Variants in SULF1 observed in about 807,000 individuals in gnomAD.
SULF1 encodes sulfatase 1.
SULF1 carries 46 observed loss-of-function variants against 110.5 expected under a neutral mutation model. That is an observed-to-expected ratio of 0.42 (90% CI 0.33 to 0.53). The LOEUF (loss-of-function observed/expected upper bound fraction) is 0.53, where lower values mean the gene tolerates loss of function less well. Among genes scored for constraint, SULF1 ranks in the 20% least tolerant of loss-of-function variants. The probability of loss-of-function intolerance (pLI) is 0.12; values close to 1 mark genes in which losing one functional copy is unlikely to be tolerated. For missense variants in SULF1, 941 were observed against 1,094.2 expected, an observed-to-expected ratio of 0.86 and a Z score of 1.98; for synonymous variants, 371 against 387.1, an observed-to-expected ratio of 0.96 and a Z score of 0.49.
At chr8:69,543,417 C>G (rs948796070) in intron 3 of SULF1, among the ~76,000 whole-genome samples, 1 of 152,016 alleles carries the variant, frequency 6.6e-6, no homozygotes, top group African/African-American at 2.4e-5. Flanking sequence ...TGTTTCCCTC[C>G]CTGTATCCAT....
At chr8:69,625,067 C>T (rs1338369935) in intron 15 of SULF1, among the ~76,000 whole-genome samples, 1 of 152,160 alleles carries the variant, frequency 6.6e-6, no homozygotes, top group Non-Finnish European at 1.5e-5. Context: ...CCCCACATCC[C>T]ACCTACTGTC....
At chr8:69,470,826 C>A (rs530697216) in intron 1 of SULF1, among the ~76,000 whole-genome samples, 191 of 152,270 alleles carry the variant, frequency 1.3e-3, no homozygotes, top group Non-Finnish European at 2.1e-3. Context: ...CCGCCAAATC[C>A]CCACAACCTC....
At chr8:69,467,948 T>C (rs962312424) in intron 1 of SULF1, among the ~76,000 whole-genome samples, 5 of 152,066 alleles carry the variant, frequency 3.3e-5, no homozygotes, top group African/African-American at 1.2e-4. Flanking sequence ...TATTTATAAA[T>C]ATAAGAAGGG....
intron 3 of SULF1, among the ~76,000 whole-genome samples, chr8:69,556,052 A>C (rs962577741): frequency 1.3e-5 from 2 of 152,176 alleles, no homozygotes. Context: ...TACTGTGAGA[A>C]AGATTATGTT....
chr8:69,525,836 C>G (rs147031358), intron 3 of SULF1, among the ~76,000 whole-genome samples: 1 of 152,058 alleles, frequency 6.6e-6, no homozygotes, highest in African/African-American at 2.4e-5. Flanking sequence ...CCGTGTGAGC[C>G]GAAGTTGTGA....
At chr8:69,633,415 G>A (rs902902358) in intron 19 of SULF1, among the ~76,000 whole-genome samples, 73 of 148,926 alleles carry the variant, frequency 4.9e-4, no homozygotes, top group African/African-American at 1.3e-3. Flanking sequence ...TGCAACCTCC[G>A]CCTCTTGGGT....
intron 3 of SULF1, among the ~76,000 whole-genome samples, chr8:69,515,461 C>T (rs1258317184): frequency 6.6e-6 from 1 of 152,172 alleles, no homozygotes; most frequent in African/African-American, 2.4e-5. Context: ...CCCATGAAAC[C>T]ATTTTTTCCT....
chr8:69,527,424 G>A (rs1812776419), intron 3 of SULF1, among the ~76,000 whole-genome samples: 1 of 152,064 alleles, frequency 6.6e-6, no homozygotes, highest in African/African-American at 2.4e-5. Context: ...GACCAGTAGA[G>A]CCAGAGGAAA....
chr8:69,491,703 T>C (rs1809949486), upstream of SULF1, among the ~76,000 whole-genome samples: 2 of 152,266 alleles, frequency 1.3e-5, no homozygotes, highest in South Asian at 4.1e-4. Context: ...TATGCCCATA[T>C]AGCTGGCGAC....
intron 3 of SULF1, among the ~76,000 whole-genome samples, chr8:69,535,378 A>G (rs1277231696): frequency 6.6e-6 from 1 of 152,158 alleles, no homozygotes; most frequent in Non-Finnish European, 1.5e-5. Flanking sequence ...ATCAGCCTTT[A>G]AAACAATCAC....
At chr8:69,594,634 G>A (rs1186996284) in intron 8 of SULF1, among the ~76,000 whole-genome samples, 1 of 151,986 alleles carries the variant, frequency 6.6e-6, no homozygotes, top group Non-Finnish European at 1.5e-5. Flanking sequence ...TGCCTTAAAA[G>A]AATTTGCACA....
intron 3 of SULF1, among the ~76,000 whole-genome samples, chr8:69,539,567 C>G (rs554519461): frequency 1.3e-5 from 2 of 152,316 alleles, no homozygotes; most frequent in South Asian, 4.1e-4. Flanking sequence ...ACATTAGCAT[C>G]TAGACATCCA....
At chr8:69,543,632 A>G (rs2150674394) in intron 3 of SULF1, among the ~76,000 whole-genome samples, 1 of 152,264 alleles carries the variant, frequency 6.6e-6, no homozygotes, top group South Asian at 2.1e-4. Context: ...ACTGATGGGC[A>G]TTTGGGTTGA....
chr8:69,641,468 A>C (rs1424447767), intron 22 of SULF1, among the ~76,000 whole-genome samples: 1 of 152,142 alleles, frequency 6.6e-6, no homozygotes, highest in Non-Finnish European at 1.5e-5. Context: ...GTAAAGGGCC[A>C]CACACAGTGG....
At chr8:69,561,936 A>C (rs892136788) in intron 3 of SULF1, among the ~76,000 whole-genome samples, 9 of 152,234 alleles carry the variant, frequency 5.9e-5, no homozygotes, top group African/African-American at 2.2e-4. Flanking sequence ...GAATAATTGC[A>C]GGCTTTCAGT....
chr8:69,573,674 A>C (rs6472465), intron 5 of SULF1, among the ~76,000 whole-genome samples: 80,401 of 151,872 alleles, frequency 0.53, 21,354 homozygotes, highest in Admixed American at 0.61. Context: ...ACATGGTAGA[A>C]ATCTTCAGTG....
At chr8:69,557,932 A>G (rs867736820) in intron 3 of SULF1, among the ~76,000 whole-genome samples, 3 of 152,180 alleles carry the variant, frequency 2.0e-5, no homozygotes, top group South Asian at 4.1e-4. Context: ...GGAGAATAAA[A>G]GTGTTACTAC....
chr8:69,567,747 T>C lies in SULF1; in HGVS notation c.172+3600T>C, dbSNP rs1816002393. Among the ~76,000 whole-genome samples, 5 of 152,306 alleles carry C rather than the reference T, an allele frequency of 3.3e-5. No individual in the cohort carries two copies. In the South Asian group the frequency reaches 1.0e-3, roughly 32 times the overall value. The stretch of plus-strand genomic sequence containing the variant: ...TAACCCATTCATCCACTGTTGGAAA[T>C]TTGAGTTGCTTCCTCCTTTTCCCTA... On this transcript the variant is annotated intron_variant, in intron 5 of 22. Coordinates refer to ENST00000402687, the MANE Select transcript of SULF1 (RefSeq NM_001128205.2).
At chr8:69,635,624 C>T (rs1810932428) in intron 19 of SULF1, among the ~76,000 whole-genome samples, 2 of 152,178 alleles carry the variant, frequency 1.3e-5, no homozygotes, top group Non-Finnish European at 2.9e-5. Flanking sequence ...GTAAGCCCAA[C>T]ACTTTGAGAG....
Sources: gnomAD v4.1 joint callset for allele counts (sites outside exome capture counted in the v4.1 genomes callset) on GRCh38, gnomAD v4.1.1 for gene constraint, MANE v1.5 for transcripts, NCBI Gene and HGNC (gene_info 2026-07-23, HGNC 2026-07-21) for gene names.